CACNG2: variants seen among roughly 807,000 people sequenced by gnomAD.
CACNG2 encodes calcium voltage-gated channel auxiliary subunit gamma 2.
Under a neutral mutation model 25.9 loss-of-function variants are expected in CACNG2, and 3 were observed. The ratio of observed to expected loss-of-function variants is 0.12; its 90% CI spans 0.05 to 0.30. CACNG2 has a LOEUF of 0.30. Among genes scored for constraint, CACNG2 ranks in the 10% least tolerant of loss-of-function variants. The pLI, the probability that CACNG2 is intolerant of heterozygous loss-of-function variation, is 1.00. For missense variants in CACNG2, 341 were observed against 432.5 expected (o/e 0.79, Z 1.88); for synonymous variants, 167 against 173.3 (o/e 0.96, Z 0.29).
chr22:36,574,052 CT>C (rs1935275151), intron 2 of CACNG2, among the ~76,000 whole-genome samples: 2 of 151,914 alleles, frequency 1.3e-5, no homozygotes, highest in African/African-American at 4.8e-5. Flanking sequence ...TGGGGAGCAC[CT>C]AAGGAGAGGA....
chr22:36,657,996 G>A (rs1402030381), intron 1 of CACNG2, among the ~76,000 whole-genome samples: 1 of 152,178 alleles, frequency 6.6e-6, no homozygotes, highest in East Asian at 1.9e-4. Flanking sequence ...CTTGGGGGAT[G>A]AGCCTAGAGA....
intron 2 of CACNG2, among the ~76,000 whole-genome samples, chr22:36,584,298 A>C (rs1394090532): frequency 6.6e-6 from 1 of 152,120 alleles, no homozygotes; most frequent in East Asian, 1.9e-4. Context: ...CTAAAAATAC[A>C]AAAAAATTAG....
chr22:36,641,666 A>G (rs1487268131), intron 1 of CACNG2, among the ~76,000 whole-genome samples: 2 of 152,224 alleles, frequency 1.3e-5, no homozygotes, highest in African/African-American at 4.8e-5. Context: ...ACGATTCTCT[A>G]GGCAATTGAA....
chr22:36,621,529 C>T (rs1208688960), intron 1 of CACNG2, among the ~76,000 whole-genome samples: 1 of 150,700 alleles, frequency 6.6e-6, no homozygotes, highest in Non-Finnish European at 1.5e-5. Flanking sequence ...GAGATGGTGC[C>T]ACCGTACTCC....
chr22:36,564,371 G>C lies in CACNG2; in HGVS notation c.952C>G (p.Arg318Gly), dbSNP rs771958374. 6.2e-7 allele frequency: 1 copy of C among 1,613,900 alleles called. No individual in the cohort carries two copies. The highest frequency in any genetic ancestry group is 8.5e-7 in the Non-Finnish European group (1 of 1,179,894). The change falls in exon 4 of 4, where the codon CGC (arginine) becomes GGC (glycine). Residue 318 changes from arginine to glycine, a missense_variant. Transcript: ENST00000300105. This position sits in a 1 kb window ranked among gnomAD's most constrained non-coding sequence, Gnocchi z 6.7. Reference sequence around the variant, plus strand: ...GGTCTTTATACGGGGGTGGTCCGGCGGTTGGCTGTGTTGGAGTGGAGAGAG... The same window carrying C: ...GGTCTTTATACGGGGGTGGTCCGGCCGTTGGCTGTGTTGGAGTGGAGAGAG... ...KDSLHSNTAN[R>G]RTTPV
At chr22:36,595,152 C>T (rs998779528) in intron 1 of CACNG2, among the ~76,000 whole-genome samples, 4 of 151,484 alleles carry the variant, frequency 2.6e-5, no homozygotes, top group Admixed American at 6.6e-5. Context: ...TGTGTGTAGG[C>T]GTGATGAGGA....
chr22:36,595,169 G>A (rs1431112405), intron 1 of CACNG2, among the ~76,000 whole-genome samples: 1 of 151,938 alleles, frequency 6.6e-6, no homozygotes, highest in Non-Finnish European at 1.5e-5. Flanking sequence ...AGGAAGTGGT[G>A]GAGGGTTGAG....
intron 1 of CACNG2, among the ~76,000 whole-genome samples, chr22:36,641,929 T>A (rs7286870): frequency 0.049 from 7,430 of 152,310 alleles, 624 homozygotes; most frequent in African/African-American, 0.17. Flanking sequence ...ATGTGTTTAT[T>A]CCCAGGGAGA....
intron 2 of CACNG2, among the ~76,000 whole-genome samples, chr22:36,584,030 T>C (rs1935461699): frequency 6.6e-6 from 1 of 152,202 alleles, no homozygotes; most frequent in Non-Finnish European, 1.5e-5. Flanking sequence ...GAAATCTTCT[T>C]ACCTGGTTCC....
At chr22:36,595,424 C>T (rs780313508) in intron 1 of CACNG2, among the ~76,000 whole-genome samples, 5 of 152,196 alleles carry the variant, frequency 3.3e-5, no homozygotes, top group South Asian at 2.1e-4. Context: ...TGGGAACCCA[C>T]GGCAAATGCT....
intron 1 of CACNG2, among the ~76,000 whole-genome samples, chr22:36,611,713 G>A (rs1480880938): frequency 3.3e-5 from 5 of 152,184 alleles, no homozygotes; most frequent in South Asian, 2.1e-4. Flanking sequence ...CTGACCAGCC[G>A]CGGGTCTCCA....
chr22:36,609,163 A>G (rs1406372155), intron 1 of CACNG2, among the ~76,000 whole-genome samples: 3 of 150,424 alleles, frequency 2.0e-5, no homozygotes, highest in Non-Finnish European at 4.4e-5. Context: ...TTAGAGCGTG[A>G]TCAGGCAGGA....
chr22:36,646,308 CCTGGCATACTAAAAAAAAAGTTCA>C (rs1433050874), intron 1 of CACNG2, among the ~76,000 whole-genome samples: 2 of 152,068 alleles, frequency 1.3e-5, no homozygotes, highest in Non-Finnish European at 2.9e-5. Flanking sequence ...TGACATTACG[CCTGGCATACTAAAAAAAAAGTTCA>C]CTGGAATTAA....
At chr22:36,621,200 G>A (rs370847651) in intron 1 of CACNG2, among the ~76,000 whole-genome samples, 12 of 152,162 alleles carry the variant, frequency 7.9e-5, no homozygotes, top group Non-Finnish European at 1.5e-4. Flanking sequence ...TCCATAGGTC[G>A]CTTTTTATTT....
In CACNG2 at chr22:36,564,420, G is replaced by A; in HGVS notation, c.903C>T (p.Asn301=). The A allele has an allele frequency of 1.2e-6, 2 of 1,614,116 alleles. No individual in the cohort carries two copies. The highest frequency in any genetic ancestry group is 1.1e-5 in the South Asian group (1 of 91,078). ...AGTCCTTGTTCTCCTTCTGGATACA[G>A]TTGTGAACCTGGAGGAAGCTGTTAT... ...DRDNSFLQVH[N]CIQKENKDSL... The change falls in exon 4 of 4, where the codon AAC becomes AAT. Residue 301 remains asparagine, a synonymous_variant. Coordinates refer to ENST00000300105, the MANE Select transcript of CACNG2 (RefSeq NM_006078.5). This position sits in a 1 kb window ranked among gnomAD's most constrained non-coding sequence, Gnocchi z 6.7.
At chr22:36,694,711 G>T (rs960625803) in intron 1 of CACNG2, among the ~76,000 whole-genome samples, 7 of 152,190 alleles carry the variant, frequency 4.6e-5, no homozygotes, top group Non-Finnish European at 7.4e-5. Flanking sequence ...GGACTCCCCT[G>T]GAGGGTCTTG....
chr22:36,623,025 T>A (rs1287325985), intron 1 of CACNG2, among the ~76,000 whole-genome samples: 1 of 140,386 alleles, frequency 7.1e-6, no homozygotes, highest in African/African-American at 2.6e-5. Context: ...TTTTTTTTTT[T>A]TTTTTTTTTT....
intron 1 of CACNG2, among the ~76,000 whole-genome samples, chr22:36,624,777 C>T (rs1936158567): frequency 6.6e-6 from 1 of 152,006 alleles, no homozygotes; most frequent in African/African-American, 2.4e-5. Context: ...CGCCTGTAAT[C>T]CCAGGACTTT....
In CACNG2 at chr22:36,563,998, G is replaced by T. The variant is rs2145902525; in HGVS notation, c.*353C>A. 1.2e-5 allele frequency: 2 copies of T among 163,182 alleles called. No homozygotes were observed. Among genetic ancestry groups the T allele is most frequent in the Non-Finnish European group, 1.3e-5 (1 of 78,698 alleles). The allele number at this position is 163,182 out of a possible 1,614,324, so 10.1% of individuals were successfully genotyped here. The stretch of plus-strand genomic sequence containing the variant: ...GATTTTTATTAAATGTTAAAATAAT[G>T]GTACATGGGAAATCATGCATTTTCT... On this transcript the variant is annotated 3_prime_UTR_variant, in exon 4 of 4. Transcript: ENST00000300105.
Sources: gnomAD v4.1 joint callset for allele counts (sites outside exome capture counted in the v4.1 genomes callset) on GRCh38, gnomAD v4.1.1 for gene constraint, Gnocchi (gnomAD v3.1) non-coding constraint, MANE v1.5 for transcripts, NCBI Gene and HGNC (gene_info 2026-07-23, HGNC 2026-07-21) for gene names.